Variants in GSE1 observed in about 807,000 individuals in gnomAD.
GSE1 encodes Gse1 coiled-coil protein, also known as genetic suppressor element 1.
In GSE1, 32 loss-of-function variants were observed where a neutral mutation model predicts 112.6. That is an observed-to-expected ratio of 0.28 (90% confidence interval 0.21 to 0.38). The LOEUF (loss-of-function observed/expected upper bound fraction) is 0.38. Among genes scored for constraint, GSE1 ranks in the 10% least tolerant of loss-of-function variants. The pLI is 1.00. For missense variants in GSE1, 2,348 were observed against 1,699.2 expected (o/e 1.38, Z -6.71); for synonymous variants, 1,115 against 735.6 (o/e 1.52, Z -8.35).
chr16:85,589,686 T>C (rs2046887698), intron 1 of GSE1, among the ~76,000 whole-genome samples: 1 of 152,174 alleles, frequency 6.6e-6, no homozygotes. Context: ...GTATGGAATG[T>C]GAACGTGAGA....
chr16:85,664,763 G>A (rs1483645657), intron 11 of GSE1: 7 of 417,082 alleles, frequency 1.7e-5, no homozygotes, highest in African/African-American at 1.4e-4. Flanking sequence ...GTGATTCACA[G>A]AGGCGTCGTC....
intron 2 of GSE1, among the ~76,000 whole-genome samples, chr16:85,496,473 G>A (rs2051181300): frequency 6.6e-6 from 1 of 152,236 alleles, no homozygotes; most frequent in Admixed American, 6.5e-5. Flanking sequence ...ACCAGCAAAG[G>A]GTGCTGGCGA....
intron 2 of GSE1, among the ~76,000 whole-genome samples, chr16:85,537,606 C>T (rs886916116): frequency 6.6e-6 from 1 of 152,226 alleles, no homozygotes; most frequent in Non-Finnish European, 1.5e-5. Context: ...ACAGAGGCCA[C>T]AGTCCCCATG....
intron 1 of GSE1, among the ~76,000 whole-genome samples, chr16:85,590,935 T>TGG (rs138939128): frequency 1.3e-5 from 2 of 152,030 alleles, no homozygotes; most frequent in African/African-American, 2.4e-5. Flanking sequence ...TGACATGCGG[T>TGG]GGGGGGGACC....
upstream of GSE1, among the ~76,000 whole-genome samples, chr16:85,552,294 G>A (rs1340782080): frequency 2.9e-5 from 4 of 139,016 alleles, no homozygotes; most frequent in Non-Finnish European, 6.3e-5. Context: ...CAAAGTGCTG[G>A]GATTACAGGC....
chr16:85,249,137 T>C (rs1298965123), intron 1 of GSE1, among the ~76,000 whole-genome samples: 2 of 152,230 alleles, frequency 1.3e-5, no homozygotes, highest in African/African-American at 2.4e-5. Context: ...GAGGCCCAGC[T>C]AAGACATCTT....
chr16:85,434,328 A>C (rs2049191105), intron 2 of GSE1, among the ~76,000 whole-genome samples: 1 of 146,282 alleles, frequency 6.8e-6, no homozygotes, highest in Non-Finnish European at 1.5e-5. Context: ...AATAATAATA[A>C]TAATAATAAT....
chr16:85,186,351 T>A (rs901248819), intron 1 of GSE1, among the ~76,000 whole-genome samples: 1 of 151,974 alleles, frequency 6.6e-6, no homozygotes, highest in Non-Finnish European at 1.5e-5. Context: ...ACACCTGTAA[T>A]CCCAGCATTT....
chr16:85,301,847 C>G (rs1436035182), intron 1 of GSE1, among the ~76,000 whole-genome samples: 1 of 152,218 alleles, frequency 6.6e-6, no homozygotes, highest in Non-Finnish European at 1.5e-5. Context: ...TGAGCACAGC[C>G]AGGAACCCGT....
Position 85,661,180 on chromosome 16 carries a change from G to A in GSE1, c.1675G>A (p.Asp559Asn). ...GPNRHEPGGR[D>N]PPQHFGGPPP... The stretch of plus-strand genomic sequence containing the variant: ...AAACCGTCACGAGCCAGGTGGCCGT[G>A]ACCCTCCGCAGCACTTTGGGGGGCC... Residue 559 changes from aspartate to asparagine, a missense_variant, in exon 9 of 16, where the codon GAC becomes AAC. Asp to Asn is a conservative substitution (Grantham distance 23). Coordinates refer to ENST00000253458, the MANE Select transcript of GSE1 (RefSeq NM_014615.5). 7 of 1,597,898 alleles carry A rather than the reference G, an allele frequency of 4.4e-6. No individual in the cohort carries two copies. Among genetic ancestry groups the A allele is most frequent in the Non-Finnish European group, 6.0e-6 (7 of 1,168,088 alleles).
At chr16:85,335,429 G>C (rs1043522337) in intron 1 of GSE1, among the ~76,000 whole-genome samples, 2 of 152,260 alleles carry the variant, frequency 1.3e-5, no homozygotes, top group Non-Finnish European at 2.9e-5. Flanking sequence ...TGAGTAATTA[G>C]CGCGGAGCCG....
rs571317815 is a variant in GSE1 at position 85,389,203 on chromosome 16, T to G, written c.2464+31560T>G. On this transcript the variant is annotated intron_variant, in intron 2 of 2. Coordinates refer to the GSE1 transcript ENST00000637419. The stretch of plus-strand genomic sequence containing the variant: ...GGGCCGGGGCAGTGGCTCATGCCTG[T>G]TATCCCAGCACTTTGGGAGGCCAAG... 5.9e-5 allele frequency among the ~76,000 whole-genome samples: 9 copies of G among 152,268 alleles called. No homozygotes were observed. The South Asian group carries it at 1.5e-3, about 25-fold the overall frequency.
intron 2 of GSE1, among the ~76,000 whole-genome samples, chr16:85,472,961 C>G (rs1433228031): frequency 6.6e-6 from 1 of 152,196 alleles, no homozygotes; most frequent in Non-Finnish European, 1.5e-5. Flanking sequence ...AGCTTTTGGC[C>G]CAAGCCCACT....
At position 85,658,087 on chromosome 16, in the gene GSE1, C is replaced by CTTTATGAAAGCATTTCCCAG. The variant is rs1256816408; in HGVS notation, c.1640+484_1640+503dup. ...AAAAACACATGCCCGTTTTCTAGCC[C>CTTTATGAAAGCATTTCCCAG]TTTATGAAAGCATTTCCCAGGAAAC... is the stretch of plus-strand genomic sequence containing the variant. On this transcript the variant is annotated intron_variant, in intron 8 of 15. Transcript: ENST00000253458. Among the ~76,000 whole-genome samples, 5 of 152,340 alleles carry CTTTATGAAAGCATTTCCCAG rather than the reference C, an allele frequency of 3.3e-5. No homozygotes were observed. The East Asian group carries it at 7.7e-4, about 23-fold the overall frequency.
At chr16:85,517,297 A>G (rs2051982214) in intron 2 of GSE1, among the ~76,000 whole-genome samples, 1 of 152,266 alleles carries the variant, frequency 6.6e-6, no homozygotes, top group South Asian at 2.1e-4. Flanking sequence ...CCTAGGTTCT[A>G]GCACAGCCAT....
At chr16:85,614,753 C>T (rs544258253) in intron 1 of GSE1, among the ~76,000 whole-genome samples, 12 of 152,330 alleles carry the variant, frequency 7.9e-5, no homozygotes, top group East Asian at 3.9e-4. Context: ...ACACACTAAA[C>T]CCTTGCTCCC....
intron 2 of GSE1, among the ~76,000 whole-genome samples, chr16:85,404,831 T>C (rs1283908599): frequency 9.1e-4 from 15 of 16,422 alleles, no homozygotes; most frequent in East Asian, 6.9e-3. Context: ...CAGGCCCCCC[T>C]GGATAATCCT....
intron 1 of GSE1, among the ~76,000 whole-genome samples, chr16:85,603,467 C>A (rs1192256545): frequency 6.6e-6 from 1 of 152,170 alleles, no homozygotes; most frequent in Admixed American, 6.5e-5. Context: ...TGCATCTGGC[C>A]TCTCCCAGGG....
intron 1 of GSE1, chr16:85,594,232 T>TGGGGGGGGGGGG (rs1567626522): frequency 3.0e-4 from 2 of 6,592 alleles, no homozygotes; most frequent in Admixed American, 2.0e-3. Flanking sequence ...CCCTGGGGGG[T>TGGGGGGGGGGGG]TGGGGGGGGG....
Sources: allele counts gnomAD v4.1 joint callset (sites outside exome capture counted in the v4.1 genomes callset), GRCh38; gene constraint gnomAD v4.1.1; transcripts MANE v1.5; gene names NCBI Gene and HGNC (gene_info 2026-07-23, HGNC 2026-07-21).